LRP1B: variants seen among roughly 807,000 people sequenced by gnomAD.
LRP1B encodes the protein low-density lipoprotein receptor-related protein 1B.
Under a neutral mutation model 556.6 loss-of-function variants are expected in LRP1B, and 217 were observed. The observed-to-expected ratio is 0.39, with a 90% CI of 0.35 to 0.44. LRP1B has a LOEUF of 0.44. Ranked by LOEUF, LRP1B falls within the 20% of genes least tolerant of loss-of-function variation. LRP1B has a pLI of 1.00. For synonymous variants in LRP1B, 2,047 were observed against 1,865.8 expected, an observed-to-expected ratio of 1.10 and a Z score of -2.50; for missense variants, 5,053 against 5,620.8, an observed-to-expected ratio of 0.90 and a Z score of 3.23.
At chr2:141,080,243 C>T (rs966802724) in intron 7 of LRP1B, among the ~76,000 whole-genome samples, 1 of 152,176 alleles carries the variant, frequency 6.6e-6, no homozygotes, top group Non-Finnish European at 1.5e-5. Flanking sequence ...ATTTGCTGTT[C>T]ATGCCTTGAT....
intron 40 of LRP1B, 83 bp downstream of exon 40, chr2:140,701,638 T>C: frequency 7.2e-7 from 1 of 1,379,684 alleles, no homozygotes; most frequent in South Asian, 1.4e-5. Context: ...TATAGAAGAA[T>C]TTCTAAGTTT....
Position 141,416,786 on chromosome 2 carries a change from T to C in LRP1B, c.343+63610A>G, listed in dbSNP as rs551015378. On this transcript the variant is annotated intron_variant, in intron 3 of 90. Coordinates refer to ENST00000389484, the MANE Select transcript of LRP1B (RefSeq NM_018557.3). ...TCAGGAGTTCTTAAACAGTGCTCTGTGGAATCTTTGGGGCAAGGAAAGAAG... is the reference window on the plus strand; with the variant it reads ...TCAGGAGTTCTTAAACAGTGCTCTGCGGAATCTTTGGGGCAAGGAAAGAAG... Among the ~76,000 whole-genome samples, 16 of 152,270 alleles carry C rather than the reference T, an allele frequency of 1.1e-4. No homozygotes were observed. In the South Asian group the frequency reaches 3.1e-3, roughly 30 times the overall value.
At chr2:141,838,384 A>C (rs1697361334) in intron 1 of LRP1B, among the ~76,000 whole-genome samples, 1 of 152,082 alleles carries the variant, frequency 6.6e-6, no homozygotes, top group Non-Finnish European at 1.5e-5. Context: ...TTCCTTCTCA[A>C]ACTCTTCCTG....
chr2:140,776,626 T>C (rs2104952438), intron 32 of LRP1B, among the ~76,000 whole-genome samples: 1 of 152,118 alleles, frequency 6.6e-6, no homozygotes, highest in South Asian at 2.1e-4. Flanking sequence ...TATTTGTAAA[T>C]AAATGGCAAA....
intron 2 of LRP1B, among the ~76,000 whole-genome samples, chr2:141,753,189 G>C (rs138602951): frequency 7.1e-6 from 1 of 140,184 alleles, no homozygotes; most frequent in Admixed American, 7.2e-5. Context: ...GGGAGGTTGC[G>C]GTGAGCCCAG....
At chr2:140,896,669 A>C (rs1425905137) in intron 23 of LRP1B, among the ~76,000 whole-genome samples, 2 of 152,006 alleles carry the variant, frequency 1.3e-5, no homozygotes, top group Non-Finnish European at 2.9e-5. Context: ...ATTTGTAGGT[A>C]GGGGGTATCC....
intron 84 of LRP1B, among the ~76,000 whole-genome samples, chr2:140,276,892 T>C (rs1038134648): frequency 6.6e-6 from 1 of 151,850 alleles, no homozygotes; most frequent in Admixed American, 6.6e-5. Context: ...AGGTCTGAAA[T>C]GGGGCCCAGG....
intron 3 of LRP1B, among the ~76,000 whole-genome samples, chr2:141,339,300 C>CAAAA (rs199875427): frequency 1.3e-5 from 1 of 75,672 alleles, no homozygotes; most frequent in Non-Finnish European, 2.7e-5. Context: ...TGGGGTAACG[C>CAAAA]AAAAAAAAAA....
chr2:140,833,956 C>T (rs1691809234), intron 31 of LRP1B, among the ~76,000 whole-genome samples: 1 of 152,312 alleles, frequency 6.6e-6, no homozygotes, highest in Non-Finnish European at 1.5e-5. Flanking sequence ...AATAACATAA[C>T]ATTACTAGCC....
intron 3 of LRP1B, among the ~76,000 whole-genome samples, chr2:141,442,652 T>C (rs1681026956): frequency 6.6e-6 from 1 of 152,138 alleles, no homozygotes; most frequent in Non-Finnish European, 1.5e-5. Context: ...ATTGTTCAAC[T>C]CCTACTTATG....
chr2:140,768,154 T>G (rs1689181066), intron 35 of LRP1B, among the ~76,000 whole-genome samples: 1 of 151,920 alleles, frequency 6.6e-6, no homozygotes, highest in Admixed American at 6.6e-5. Context: ...ATTCCAAACA[T>G]TTGGTGCAAA....
At chr2:141,484,558 T>A (rs1201428425) in intron 2 of LRP1B, among the ~76,000 whole-genome samples, 1 of 152,184 alleles carries the variant, frequency 6.6e-6, no homozygotes, top group East Asian at 1.9e-4. Context: ...TTGGGCAGTA[T>A]GGCCATTTTC....
chr2:141,783,508 A>G (rs1338282847), intron 2 of LRP1B, among the ~76,000 whole-genome samples: 5 of 152,024 alleles, frequency 3.3e-5, no homozygotes, highest in African/African-American at 1.2e-4. Flanking sequence ...TCTTCCTAAT[A>G]CACCCAGCTC....
intron 53 of LRP1B, among the ~76,000 whole-genome samples, chr2:140,503,839 A>C (rs997689458): frequency 6.6e-6 from 1 of 152,098 alleles, no homozygotes; most frequent in Non-Finnish European, 1.5e-5. Flanking sequence ...CTCTGTTTTA[A>C]GTGGGAGGGG....
At chr2:140,354,158 T>G (rs1682103547) in intron 75 of LRP1B, among the ~76,000 whole-genome samples, 1 of 152,036 alleles carries the variant, frequency 6.6e-6, no homozygotes, top group Non-Finnish European at 1.5e-5. Flanking sequence ...CCTGCCTCAT[T>G]TTATCACTTA....
intron 1 of LRP1B, among the ~76,000 whole-genome samples, chr2:142,110,460 C>G (rs1258130571): frequency 6.6e-6 from 1 of 151,978 alleles, no homozygotes; most frequent in Non-Finnish European, 1.5e-5. Context: ...GGACACGCAG[C>G]AAGAGAGCAG....
intron 41 of LRP1B, among the ~76,000 whole-genome samples, chr2:140,657,730 A>G (rs1482091925): frequency 6.6e-6 from 1 of 151,160 alleles, no homozygotes; most frequent in Non-Finnish European, 1.5e-5. Flanking sequence ...AATTATATCT[A>G]TTGAGGTATT....
intron 2 of LRP1B, among the ~76,000 whole-genome samples, chr2:141,716,326 G>C (rs528605328): frequency 6.6e-6 from 1 of 152,284 alleles, no homozygotes; most frequent in Non-Finnish European, 1.5e-5. Flanking sequence ...TGGAGAATGG[G>C]TCTTTTTATA....
intron 3 of LRP1B, among the ~76,000 whole-genome samples, chr2:141,322,357 T>C (rs1687271396): frequency 6.6e-6 from 1 of 151,962 alleles, no homozygotes; most frequent in Non-Finnish European, 1.5e-5. Flanking sequence ...AGAGGAGCAA[T>C]AGAAAATCTC....
Sources: allele counts gnomAD v4.1 joint callset (sites outside exome capture counted in the v4.1 genomes callset), GRCh38; gene constraint gnomAD v4.1.1; transcripts MANE v1.5; gene names NCBI Gene and HGNC (gene_info 2026-07-23, HGNC 2026-07-21).